ARAP2: variants seen among roughly 807,000 people sequenced by gnomAD.
ARAP2 encodes ArfGAP with RhoGAP domain, ankyrin repeat and PH domain 2.
ARAP2 carries 148 observed loss-of-function variants against 194.5 expected under a neutral mutation model. The ratio of observed to expected loss-of-function variants is 0.76; its 90% CI spans 0.67 to 0.87. The LOEUF is 0.87. Among genes scored for constraint, ARAP2 ranks in the 40% least tolerant of loss-of-function variants. The probability of loss-of-function intolerance (pLI) is 0.00; values close to 1 mark genes in which losing one functional copy is unlikely to be tolerated. For synonymous variants in ARAP2, 695 were observed against 683.5 expected (o/e 1.02, Z -0.26); for missense variants, 2,128 against 1,989.7 (o/e 1.07, Z -1.32).
chr4:36,181,459 T>C (rs1378131176), intron 8 of ARAP2, among the ~76,000 whole-genome samples: 3 of 152,126 alleles, frequency 2.0e-5, no homozygotes, highest in African/African-American at 7.2e-5. Context: ...CTACTGGGTT[T>C]AGCAGTAGGC....
chr4:36,182,308 C>G (rs140884871), intron 8 of ARAP2, among the ~76,000 whole-genome samples: 1 of 152,002 alleles, frequency 6.6e-6, no homozygotes, highest in African/African-American at 2.4e-5. Flanking sequence ...CTGGCTAACA[C>G]GGTGAAACCC....
chr4:36,175,025 G>A (rs1483973951), intron 9 of ARAP2, among the ~76,000 whole-genome samples: 3 of 152,192 alleles, frequency 2.0e-5, no homozygotes, highest in Non-Finnish European at 1.5e-5. Flanking sequence ...TTAGGGTAGT[G>A]TAGGTCAATT....
At chr4:36,009,894 G>T (rs1166454511) in intron 9 of ARAP2, among the ~76,000 whole-genome samples, 1 of 144,786 alleles carries the variant, frequency 6.9e-6, no homozygotes, top group African/African-American at 2.5e-5. Flanking sequence ...GGGGGGTAGG[G>T]GGGTGGAATC....
At chr4:36,230,182 C>A (rs1012512308) in intron 1 of ARAP2, among the ~76,000 whole-genome samples, 1 of 152,088 alleles carries the variant, frequency 6.6e-6, no homozygotes, top group Admixed American at 6.6e-5. Flanking sequence ...TAATAAATAG[C>A]CAAGTCAAGC....
At chr4:36,063,332 T>A (rs957489842), downstream of ARAP2, among the ~76,000 whole-genome samples, 2 of 151,216 alleles carry the variant, frequency 1.3e-5, no homozygotes, top group Non-Finnish European at 3.0e-5. Context: ...GGGGGAGGGA[T>A]AGCATTAGGA....
At chr4:36,127,785 G>A (rs1724320372) in intron 21 of ARAP2, among the ~76,000 whole-genome samples, 1 of 151,736 alleles carries the variant, frequency 6.6e-6, no homozygotes, top group African/African-American at 2.4e-5. Context: ...AAATAAAAAT[G>A]TCATATACAT....
intron 28 of ARAP2, among the ~76,000 whole-genome samples, chr4:36,090,834 T>G (rs1351656508): frequency 6.6e-6 from 1 of 152,090 alleles, no homozygotes; most frequent in Non-Finnish European, 1.5e-5. Context: ...AAATAATGTG[T>G]AAAACCAATC....
At chr4:36,080,164 C>G (rs1729166280) in intron 31 of ARAP2, 52 bp downstream of exon 31, 2 of 1,466,718 alleles carry the variant, frequency 1.4e-6, no homozygotes, top group African/African-American at 2.8e-5. Flanking sequence ...ACTAACATTT[C>G]CTGTAAACAA....
chr4:36,190,694 G>T (rs1268101370), intron 7 of ARAP2, among the ~76,000 whole-genome samples: 2 of 152,146 alleles, frequency 1.3e-5, no homozygotes, highest in African/African-American at 4.8e-5. Flanking sequence ...TCAAGAAAAG[G>T]CTCATGGAGG....
intron 8 of ARAP2, among the ~76,000 whole-genome samples, chr4:36,013,295 G>A (rs982201710): frequency 5.9e-5 from 9 of 152,260 alleles, no homozygotes; most frequent in African/African-American, 2.2e-4. Context: ...TTAACTAAAT[G>A]ACGTAATACC....
At chr4:36,147,228 T>C (rs919692491) in intron 19 of ARAP2, 68 bp downstream of exon 19, 6 of 1,413,820 alleles carry the variant, frequency 4.2e-6, no homozygotes, top group Middle Eastern at 1.8e-4. Flanking sequence ...CTCAAGATAA[T>C]AACAAAAAAC....
intron 19 of ARAP2, among the ~76,000 whole-genome samples, chr4:36,137,638 GC>G (rs1246355565): frequency 2.6e-5 from 4 of 151,606 alleles, no homozygotes; most frequent in Admixed American, 1.3e-4. Context: ...AAATATCTCT[GC>G]CAAGTTTTTT....
At chr4:36,095,440 T>TA (rs1714896424) in intron 27 of ARAP2, among the ~76,000 whole-genome samples, 1 of 152,184 alleles carries the variant, frequency 6.6e-6, no homozygotes, top group South Asian at 2.1e-4. Context: ...CCCAAAGACA[T>TA]AAAAATTAGT....
intron 22 of ARAP2, among the ~76,000 whole-genome samples, chr4:36,122,348 CAA>C (rs1330077727): frequency 6.6e-6 from 1 of 151,628 alleles, no homozygotes; most frequent in African/African-American, 2.4e-5. Context: ...TTCACAAAAC[CAA>C]AGACATTAAA....
intron 7 of ARAP2, 91 bp downstream of exon 7, chr4:36,193,487 T>G: frequency 1.5e-6 from 1 of 668,202 alleles, no homozygotes; most frequent in Non-Finnish European, 2.5e-6. Flanking sequence ...GTTGAGAATC[T>G]ACCTCCTATT....
At chr4:36,019,601 C>T (rs1360482455) in intron 5 of ARAP2, among the ~76,000 whole-genome samples, 2 of 137,568 alleles carry the variant, frequency 1.5e-5, no homozygotes, top group Non-Finnish European at 2.9e-5. Context: ...CAGGGAAAGG[C>T]TTCCTGGGTC....
At position 36,091,930 on chromosome 4, in the gene ARAP2, C is replaced by A. The variant is rs777066479; in HGVS notation, c.4376G>T (p.Arg1459Leu). ...KILSGNKFQD[R>L]YFVLRDGFLF... ...AAACCCATCTCGTAAAACAAAATAC[C>A]GGTCTTGAAACTTATTTCCAGATAG... The change falls in exon 28 of 33, where the codon CGG (arginine) becomes CTG (leucine). Residue 1459 changes from arginine to leucine, a missense_variant. Coordinates refer to ENST00000303965, the MANE Select transcript of ARAP2 (RefSeq NM_015230.4). 4.4e-6 allele frequency: 7 copies of A among 1,606,784 alleles called. No individual in the cohort carries two copies. The highest frequency in any genetic ancestry group is 6.0e-6 in the Non-Finnish European group (7 of 1,175,006).
Position 36,106,848 on chromosome 4 carries a change from T to C in ARAP2, c.4285+717A>G, listed in dbSNP as rs1040312654. ...AATTAAGAAATAATAATGGTTATTA[T>C]TTATATTAATCATAAAAGTAATCAT... is the stretch of plus-strand genomic sequence containing the variant. On this transcript the variant is annotated intron_variant, in intron 27 of 32. Coordinates refer to ENST00000303965, the MANE Select transcript of ARAP2 (RefSeq NM_015230.4). 3.9e-5 allele frequency among the ~76,000 whole-genome samples: 6 copies of C among 152,102 alleles called. No individual in the cohort carries two copies. The South Asian group carries it at 1.0e-3, about 26-fold the overall frequency.
chr4:36,062,108 TTGC>T (rs1724540645), downstream of ARAP2, among the ~76,000 whole-genome samples: 1 of 152,188 alleles, frequency 6.6e-6, no homozygotes, highest in South Asian at 2.1e-4. Context: ...TCTCTTCACT[TTGC>T]TGGTTGTTCT....
Sources: gnomAD v4.1 joint callset for allele counts (sites outside exome capture counted in the v4.1 genomes callset) on GRCh38, gnomAD v4.1.1 for gene constraint, MANE v1.5 for transcripts, NCBI Gene and HGNC (gene_info 2026-07-23, HGNC 2026-07-21) for gene names.